Variants in TMEM232 observed in about 807,000 individuals in gnomAD.
TMEM232 encodes transmembrane protein 232.
TMEM232 carries 80 observed loss-of-function variants against 78.8 expected under a neutral mutation model. That is an observed-to-expected ratio of 1.01 (90% CI 0.85 to 1.22). TMEM232 has a LOEUF of 1.22. Ranked by LOEUF, TMEM232 falls within the 50% of genes most tolerant of loss-of-function variation. TMEM232 has a pLI of 0.00. For synonymous variants in TMEM232, 297 were observed against 254.3 expected (o/e 1.17, Z -1.60); for missense variants, 881 against 742.2 (o/e 1.19, Z -2.17).
intron 1 of TMEM232, among the ~76,000 whole-genome samples, chr5:110,707,879 G>A (rs1162828551): frequency 6.6e-6 from 1 of 152,134 alleles, no homozygotes; most frequent in Non-Finnish European, 1.5e-5. Flanking sequence ...CCAGACCCCA[G>A]CTTATGAAGA....
At chr5:110,622,123 C>T (rs763292791) in intron 7 of TMEM232, among the ~76,000 whole-genome samples, 83 of 152,102 alleles carry the variant, frequency 5.5e-4, no homozygotes, top group Non-Finnish European at 9.3e-4. Flanking sequence ...GATAATTTGA[C>T]GTGAATCATA....
intron 12 of TMEM232, among the ~76,000 whole-genome samples, chr5:110,501,276 A>C (rs927018844): frequency 3.9e-5 from 6 of 152,190 alleles, no homozygotes; most frequent in African/African-American, 1.4e-4. Context: ...TTCTAATCTG[A>C]TGCATTAACC....
intron 5 of TMEM232, among the ~76,000 whole-genome samples, chr5:110,635,189 A>G (rs1185499901): frequency 1.3e-5 from 2 of 152,022 alleles, no homozygotes; most frequent in Non-Finnish European, 2.9e-5. Context: ...AATCATTAAC[A>G]AAAAGATTCC....
rs144429031 is a variant in TMEM232 at position 110,420,724 on chromosome 5, T to A, written c.1830A>T (p.Glu610Asp). Residue 610 changes from glutamate to aspartate, a missense_variant, in exon 14 of 14, where the codon GAA becomes GAT. Glu to Asp is a conservative substitution (Grantham distance 45). Coordinates refer to ENST00000455884, the MANE Select transcript of TMEM232 (RefSeq NM_001039763.4). ...GTTCTTGGGCCTTGCATATTGCATC[T>A]TCTTTTTCTCGGATCTTTAGCTCTT... Reference protein sequence around the residue: ...WQEELKIREKEDAICKAQELK... With the variant: ...WQEELKIREKDDAICKAQELK... 209 of 1,525,222 alleles carry A rather than the reference T, an allele frequency of 1.4e-4. 1 individual carries two copies. The African/African-American group carries it at 2.7e-3, about 19-fold the overall frequency. 94.5% of individuals were successfully genotyped at this position (1,525,222 alleles called of 1,614,324 possible). A position where few individuals can be genotyped will look rare whatever the true frequency, so the allele number is the denominator to read the frequency against.
intron 12 of TMEM232, among the ~76,000 whole-genome samples, chr5:110,523,964 A>G (rs1769957954): frequency 9.8e-5 from 1 of 10,202 alleles, no homozygotes; most frequent in East Asian, 3.3e-3. Context: ...AAAAAAAAAA[A>G]AAGGGGGGGG....
At chr5:110,480,701 C>G (rs1164307287) in intron 12 of TMEM232, among the ~76,000 whole-genome samples, 1 of 151,950 alleles carries the variant, frequency 6.6e-6, no homozygotes, top group East Asian at 1.9e-4. Flanking sequence ...AAAGATGATT[C>G]TATTTTATAC....
rs150681502 is a variant in TMEM232, at chr5:110,566,288, C to T, written c.1455+2159G>A. ...TCCAAGACTGTGATGGGAGGGGCTGCTGGGAATGTCTCTGACATGTCCTGG... is the reference window on the plus strand; with the variant it reads ...TCCAAGACTGTGATGGGAGGGGCTGTTGGGAATGTCTCTGACATGTCCTGG... On this transcript the variant is annotated intron_variant, in intron 11 of 13. Coordinates refer to ENST00000455884, the MANE Select transcript of TMEM232 (RefSeq NM_001039763.4). 6.5e-3 allele frequency among the ~76,000 whole-genome samples: 993 copies of T among 151,964 alleles called. 16 individuals carry two copies. The highest frequency in any genetic ancestry group is 0.023 in the African/African-American group (967 of 41,498).
intron 2 of TMEM232, among the ~76,000 whole-genome samples, chr5:110,408,205 A>C (rs912191672): frequency 4.6e-5 from 7 of 152,126 alleles, no homozygotes; most frequent in Non-Finnish European, 1.0e-4. Context: ...CTAATGGTGC[A>C]CCTCAAGGAA....
intron 10 of TMEM232, among the ~76,000 whole-genome samples, chr5:110,599,515 A>C (rs1780628916): frequency 6.6e-6 from 1 of 152,182 alleles, no homozygotes; most frequent in African/African-American, 2.4e-5. Context: ...CAGGGATTGC[A>C]ATCCTAGTCT....
intron 12 of TMEM232, among the ~76,000 whole-genome samples, chr5:110,473,307 A>C (rs1762878904): frequency 6.6e-6 from 1 of 151,988 alleles, no homozygotes; most frequent in East Asian, 1.9e-4. Flanking sequence ...AAGACATACA[A>C]ATGCCCAAAA....
chr5:110,484,142 T>A (rs912530028), intron 12 of TMEM232, among the ~76,000 whole-genome samples: 2 of 152,048 alleles, frequency 1.3e-5, no homozygotes, highest in Admixed American at 1.3e-4. Flanking sequence ...ATGAAAACAA[T>A]AGATACTGGA....
chr5:110,615,977 T>G (rs1165835629), intron 8 of TMEM232, among the ~76,000 whole-genome samples: 2 of 151,994 alleles, frequency 1.3e-5, no homozygotes, highest in African/African-American at 2.4e-5. Flanking sequence ...AAAATTAATA[T>G]TGATAAAATG....
At position 110,508,067 on chromosome 5, in the gene TMEM232, G is replaced by T. The variant is rs567009813; in HGVS notation, c.1703+20521C>A. Among the ~76,000 whole-genome samples the T allele has an allele frequency of 4.9e-4, 74 of 152,128 alleles. 1 individual carries two copies. The highest frequency in any genetic ancestry group is 1.7e-3 in the African/African-American group (71 of 41,484). ...ATAAATGGTTTAGTAAAATTTCCAC[G>T]CTTAAGATAGGCATTTTTCTTTAAG... On this transcript the variant is annotated intron_variant, in intron 12 of 13. Coordinates refer to ENST00000455884, the MANE Select transcript of TMEM232 (RefSeq NM_001039763.4).
At chr5:110,436,395 ATTCT>A (rs1183877895) in intron 12 of TMEM232, among the ~76,000 whole-genome samples, 3 of 151,788 alleles carry the variant, frequency 2.0e-5, no homozygotes, top group Non-Finnish European at 2.9e-5. Context: ...ATTTTTTCTT[ATTCT>A]TTGAGTTGTC....
At chr5:110,728,957 T>C (rs1798416262), upstream of TMEM232, among the ~76,000 whole-genome samples, 1 of 151,808 alleles carries the variant, frequency 6.6e-6, no homozygotes, top group South Asian at 2.1e-4. Context: ...CGATCTCAGC[T>C]CATTGCAACC....
chr5:110,632,519 T>C (rs1693963838), intron 5 of TMEM232, among the ~76,000 whole-genome samples: 1 of 151,948 alleles, frequency 6.6e-6, no homozygotes, highest in African/African-American at 2.4e-5. Context: ...AAAAACAATT[T>C]AAGATATGAA....
chr5:110,582,010 G>C (rs1193228234), intron 10 of TMEM232, among the ~76,000 whole-genome samples: 1 of 151,888 alleles, frequency 6.6e-6, no homozygotes, highest in Non-Finnish European at 1.5e-5. Flanking sequence ...AAAAATAACA[G>C]ATTCCGGCAA....
intron 10 of TMEM232, among the ~76,000 whole-genome samples, chr5:110,579,041 A>G (rs1777874659): frequency 6.6e-6 from 1 of 151,782 alleles, no homozygotes; most frequent in Non-Finnish European, 1.5e-5. Context: ...AGAAATTCAC[A>G]CTGAGACACA....
chr5:110,629,248 A>G (rs1461034507), intron 5 of TMEM232, among the ~76,000 whole-genome samples: 2 of 152,120 alleles, frequency 1.3e-5, no homozygotes, highest in Non-Finnish European at 2.9e-5. Context: ...GAAAAAAAAT[A>G]TAATATTCAA....
Sources: gnomAD v4.1 joint callset for allele counts (sites outside exome capture counted in the v4.1 genomes callset) on GRCh38, gnomAD v4.1.1 for gene constraint, MANE v1.5 for transcripts, NCBI Gene and HGNC (gene_info 2026-07-23, HGNC 2026-07-21) for gene names.